Variants in SARDH observed in about 807,000 individuals in gnomAD.
SARDH encodes sarcosine dehydrogenase, mitochondrial.
In SARDH, 95 loss-of-function variants were observed where a neutral mutation model predicts 109.1. That is an observed-to-expected ratio of 0.87 (90% CI 0.74 to 1.03). The LOEUF (loss-of-function observed/expected upper bound fraction) is 1.03, where lower values mean the gene tolerates loss of function less well. Among genes scored for constraint, SARDH ranks in the 50% least tolerant of loss-of-function variants. The pLI, the probability that SARDH is intolerant of heterozygous loss-of-function variation, is 0.00. For missense variants in SARDH, 1,267 were observed against 1,287.8 expected, an observed-to-expected ratio of 0.98 and a Z score of 0.25; for synonymous variants, 572 against 534.8, an observed-to-expected ratio of 1.07 and a Z score of -0.96.
intron 6 of SARDH, among the ~76,000 whole-genome samples, chr9:133,726,620 C>G (rs1832502356): frequency 1.3e-5 from 2 of 152,144 alleles, no homozygotes; most frequent in Non-Finnish European, 2.9e-5. Flanking sequence ...GCATCAGCGT[C>G]CAGTGGAGCC....
chr9:133,667,194 GTTTT>G (rs59643474), intron 19 of SARDH: 24,958 of 317,846 alleles, frequency 0.079, 118 homozygotes, highest in East Asian at 0.13. Context: ...TTCAACTCTG[GTTTT>G]TTTTTTTTTT....
Position 133,709,389 on chromosome 9 carries a change from C to T in SARDH, c.1329-961G>A, listed in dbSNP as rs1416198044. Among the ~76,000 whole-genome samples the T allele has an allele frequency of 3.9e-5, 6 of 152,126 alleles. No individual in the cohort carries two copies. The highest frequency in any genetic ancestry group is 1.5e-5 in the Non-Finnish European group (1 of 68,026). On this transcript the variant is annotated intron_variant, in intron 10 of 20. Transcript: ENST00000439388. This position sits in a 1 kb window ranked among gnomAD's most constrained non-coding sequence, Gnocchi z 4.2. The stretch of plus-strand genomic sequence containing the variant: ...TGCTGGCTGGAGTGAGACCCGGGCC[C>T]AGCTGCATCAGGGCCCTGCAGCCGC...
chr9:133,712,783 A>C lies in SARDH; in HGVS notation c.1238-74T>G. 1 of 1,390,138 alleles carries C rather than the reference A, an allele frequency of 7.2e-7. No individual in the cohort carries two copies. The highest frequency in any genetic ancestry group is 1.0e-6 in the Non-Finnish European group (1 of 997,494). 86.1% of individuals were successfully genotyped at this position (1,390,138 alleles called of 1,614,324 possible). A position where few individuals can be genotyped will look rare whatever the true frequency, so the allele number is the denominator to read the frequency against. On this transcript the variant is annotated intron_variant, in intron 9 of 20. Transcript: ENST00000439388. The surrounding 1 kb of genome is among the most constrained non-coding windows in gnomAD (Gnocchi z 4.1). Reference sequence around the variant, plus strand: ...CACCCATGTCCAAACATGTGCCCCCATCTCCACGGACAGCACAGACACTCC... The same window carrying C: ...CACCCATGTCCAAACATGTGCCCCCCTCTCCACGGACAGCACAGACACTCC...
At position 133,737,013 on chromosome 9, in the gene SARDH, C is replaced by T. The variant is rs558071085; in HGVS notation, c.-31+1241G>A. Among the ~76,000 whole-genome samples, 34 of 152,324 alleles carry T rather than the reference C, an allele frequency of 2.2e-4. No homozygotes were observed. The South Asian group carries it at 4.8e-3, about 21-fold the overall frequency. ...CTTCACAGCGGGGGAGTCTGACACA[C>T]GGAGAGGCTCCCTGAGGTGACCAGG... On this transcript the variant is annotated intron_variant, in intron 1 of 20. Coordinates refer to ENST00000439388, the MANE Select transcript of SARDH (RefSeq NM_001134707.2).
chr9:133,661,110 C>T (rs1292705175), downstream of SARDH, among the ~76,000 whole-genome samples: 3 of 152,040 alleles, frequency 2.0e-5, no homozygotes, highest in East Asian at 1.9e-4. Context: ...GAGACTGAGG[C>T]GGGCGGATCA....
intron 19 of SARDH, among the ~76,000 whole-genome samples, chr9:133,669,841 G>C (rs1830273572): frequency 6.6e-6 from 1 of 152,262 alleles, no homozygotes; most frequent in Non-Finnish European, 1.5e-5. Context: ...TCGTGTTGCA[G>C]TGACTGGGAG....
At position 133,690,489 on chromosome 9, in the gene SARDH, G is replaced by A. The variant is rs1279581263; in HGVS notation, c.1960C>T (p.Gln654Ter). The part of the protein sequence containing the change: ...YYLAMGGAVA[Q>*]HNWSHITTVL... ...GTGGTGATGTGGGACCAGTTGTGCT[G>A]GGCCACGGCCCCGCCCATGGCCAGG... Residue 654 changes from glutamine (Q) to a stop codon, truncating the protein, a stop_gained, in exon 16 of 21, where the codon CAG becomes TAG. Coordinates refer to ENST00000439388, the MANE Select transcript of SARDH (RefSeq NM_001134707.2). LOFTEE classifies it high-confidence loss of function. 2 of 1,610,638 alleles carry A rather than the reference G, an allele frequency of 1.2e-6. No individual in the cohort carries two copies. The highest frequency in any genetic ancestry group is 2.2e-5 in the East Asian group (1 of 44,856).
At chr9:133,702,813 TG>T in intron 13 of SARDH, 102 bp downstream of exon 13, 7 of 976,880 alleles carry the variant, frequency 7.2e-6, no homozygotes, top group Non-Finnish European at 9.5e-6. Flanking sequence ...AAGAGACTCC[TG>T]GGGGAGGGGA....
Position 133,733,946 on chromosome 9 carries a change from G to A in SARDH, c.228C>T (p.Ser76=). Residue 76 remains serine (S), a synonymous_variant, in exon 2 of 21, where the codon AGC becomes AGT. Coordinates refer to ENST00000439388, the MANE Select transcript of SARDH (RefSeq NM_001134707.2). ...TANVVVIGGG[S]LGCQTLYHLA... is the part of the protein sequence containing the mutation. ...GGTGGTACAGGGTCTGGCAGCCCAA[G>A]CTGCCTCCACCAATGACCACCACGT... is the stretch of plus-strand genomic sequence containing the variant. The A allele has an allele frequency of 2.5e-6, 4 of 1,603,456 alleles. No individual in the cohort carries two copies. The highest frequency in any genetic ancestry group is 3.4e-6 in the Non-Finnish European group (4 of 1,174,632).
chr9:133,681,830 A>G (rs1282058597), intron 17 of SARDH, among the ~76,000 whole-genome samples: 3 of 151,052 alleles, frequency 2.0e-5, no homozygotes, highest in African/African-American at 4.9e-5. Flanking sequence ...TGCGTGTAGC[A>G]CCTCCCCGCC....
intron 19 of SARDH, among the ~76,000 whole-genome samples, chr9:133,668,421 TC>T (rs1564227589): frequency 8.1e-4 from 16 of 19,828 alleles, no homozygotes; most frequent in Non-Finnish European, 1.3e-3. Flanking sequence ...CCTCTCCCTC[TC>T]CCTTCACCCT....
At chr9:133,737,240 GC>G (rs1447090131) in intron 1 of SARDH, among the ~76,000 whole-genome samples, 2 of 152,200 alleles carry the variant, frequency 1.3e-5, no homozygotes, top group Non-Finnish European at 2.9e-5. Context: ...GGTCAGGGCT[GC>G]CCCCCATCTC....
At chr9:133,688,002 C>T (rs779403129) in intron 16 of SARDH, among the ~76,000 whole-genome samples, 4 of 152,158 alleles carry the variant, frequency 2.6e-5, no homozygotes, top group South Asian at 2.1e-4. Flanking sequence ...CGGCCGCCCC[C>T]GGGCCGCACC....
intron 13 of SARDH, among the ~76,000 whole-genome samples, chr9:133,702,262 C>T (rs1364035355): frequency 6.6e-6 from 1 of 152,242 alleles, no homozygotes; most frequent in African/African-American, 2.4e-5. Context: ...CTGTGTGGTG[C>T]AGGCTGCTGC....
chr9:133,691,701 C>T (rs1194201986), intron 15 of SARDH, among the ~76,000 whole-genome samples: 1 of 152,200 alleles, frequency 6.6e-6, no homozygotes, highest in Non-Finnish European at 1.5e-5. Flanking sequence ...CTCTCGGCTC[C>T]GTGGTGATCT....
chr9:133,689,183 C>A (rs191883702), intron 16 of SARDH, among the ~76,000 whole-genome samples: 29 of 151,538 alleles, frequency 1.9e-4, no homozygotes, highest in African/African-American at 4.8e-4. Flanking sequence ...ATCTCCCCCC[C>A]ACCCCTCCCT....
At chr9:133,714,626 A>G (rs1832052218) in intron 8 of SARDH, among the ~76,000 whole-genome samples, 1 of 152,158 alleles carries the variant, frequency 6.6e-6, no homozygotes, top group African/African-American at 2.4e-5. Flanking sequence ...AAAAAAATCA[A>G]AAAATTAGCC....
At chr9:133,683,976 A>G (rs1830790946) in intron 17 of SARDH, among the ~76,000 whole-genome samples, 1 of 152,198 alleles carries the variant, frequency 6.6e-6, no homozygotes, top group Admixed American at 6.5e-5. Flanking sequence ...GGCGGCCCTG[A>G]GCAGCCTGGC....
downstream of SARDH, among the ~76,000 whole-genome samples, chr9:133,663,197 G>A (rs2131304687): frequency 6.6e-6 from 1 of 152,352 alleles, no homozygotes; most frequent in Non-Finnish European, 1.5e-5. Flanking sequence ...ACTGAGGCAG[G>A]AGCTGGCACT....
Sources: gnomAD v4.1 joint callset for allele counts (sites outside exome capture counted in the v4.1 genomes callset) on GRCh38, gnomAD v4.1.1 for gene constraint, Gnocchi (gnomAD v3.1) non-coding constraint, MANE v1.5 for transcripts, NCBI Gene and HGNC (gene_info 2026-07-23, HGNC 2026-07-21) for gene names.